Variants in ATXN7L1 observed in about 807,000 individuals in gnomAD.
ATXN7L1 encodes the protein ataxin 7 like 1, also known as ataxin-7-like protein 1.
Under a neutral mutation model 70.8 loss-of-function variants are expected in ATXN7L1, and 15 were observed. The observed-to-expected ratio is 0.21, with a 90% CI of 0.14 to 0.33. The LOEUF (loss-of-function observed/expected upper bound fraction) is 0.33. Ranked by LOEUF, ATXN7L1 falls within the 10% of genes least tolerant of loss-of-function variation. The pLI is 1.00. For synonymous variants in ATXN7L1, 440 were observed against 445.1 expected, an observed-to-expected ratio of 0.99 and a Z score of 0.14; for missense variants, 975 against 1,097.1, an observed-to-expected ratio of 0.89 and a Z score of 1.57.
intron 3 of ATXN7L1, 200 bp downstream of exon 3, chr7:105,788,404 C>G: frequency 1.8e-6 from 1 of 561,516 alleles, no homozygotes; most frequent in East Asian, 2.9e-5. Flanking sequence ...CTCATTTGTT[C>G]TGACAGGACT....
At chr7:105,714,780 A>G (rs1054996818) in intron 3 of ATXN7L1, among the ~76,000 whole-genome samples, 1 of 152,174 alleles carries the variant, frequency 6.6e-6, no homozygotes, top group Non-Finnish European at 1.5e-5. Flanking sequence ...CTCGTGCCTC[A>G]GCCTTCTGAG....
intron 2 of ATXN7L1, among the ~76,000 whole-genome samples, chr7:105,866,301 C>A (rs1230897625): frequency 6.6e-6 from 1 of 152,182 alleles, no homozygotes. Flanking sequence ...TTATGGTGAC[C>A]TGGTGCCACT....
At chr7:105,768,091 C>T (rs908592689) in intron 3 of ATXN7L1, among the ~76,000 whole-genome samples, 9 of 152,234 alleles carry the variant, frequency 5.9e-5, no homozygotes. Flanking sequence ...CCCCTCTCCT[C>T]AAACCTCTTG....
At chr7:105,688,263 C>A (rs907503124) in intron 3 of ATXN7L1, among the ~76,000 whole-genome samples, 1 of 152,116 alleles carries the variant, frequency 6.6e-6, no homozygotes, top group Non-Finnish European at 1.5e-5. Context: ...CAACTGGGGA[C>A]GGACACGGTG....
chr7:105,770,951 C>T (rs1801900672), intron 3 of ATXN7L1, among the ~76,000 whole-genome samples: 1 of 152,034 alleles, frequency 6.6e-6, no homozygotes, highest in African/African-American at 2.4e-5. Context: ...TCTGTAATCC[C>T]AGAACTTTGG....
At chr7:105,636,116 C>T (rs116230244) in intron 7 of ATXN7L1, among the ~76,000 whole-genome samples, 4,540 of 152,136 alleles carry the variant, frequency 0.03, 234 homozygotes, top group African/African-American at 0.1. Flanking sequence ...CTCTGTGGGC[C>T]GGGTATGGTG....
In ATXN7L1 at chr7:105,765,602, G is replaced by A. The variant is rs118061830; in HGVS notation, c.355+23002C>T. Among the ~76,000 whole-genome samples the A allele has an allele frequency of 9.7e-3, 1,481 of 152,162 alleles. 10 individuals are homozygous for A. Among genetic ancestry groups the A allele is most frequent in the Non-Finnish European group, 0.014 (976 of 68,008 alleles). On this transcript the variant is annotated intron_variant, in intron 3 of 11. Coordinates refer to ENST00000419735, the MANE Select transcript of ATXN7L1 (RefSeq NM_020725.2). ...TTGCTGCTCATTAAACTACTAATTGGGAAAACATAAAAGGAAATACTACTC... is the reference window on the plus strand; with the variant it reads ...TTGCTGCTCATTAAACTACTAATTGAGAAAACATAAAAGGAAATACTACTC...
chr7:105,653,151 T>G (rs993541265), intron 4 of ATXN7L1, among the ~76,000 whole-genome samples: 3 of 152,234 alleles, frequency 2.0e-5, no homozygotes, highest in Non-Finnish European at 4.4e-5. Flanking sequence ...TTTTTCTTTT[T>G]TAATCTCTAT....
At chr7:105,814,436 G>C (rs1411428397) in intron 2 of ATXN7L1, among the ~76,000 whole-genome samples, 1 of 151,970 alleles carries the variant, frequency 6.6e-6, no homozygotes, top group Non-Finnish European at 1.5e-5. Context: ...TTTCCAGCAG[G>C]GTTTTTTTTT....
At chr7:105,675,770 C>T (rs539588481) in intron 3 of ATXN7L1, among the ~76,000 whole-genome samples, 8 of 152,042 alleles carry the variant, frequency 5.3e-5, no homozygotes, top group African/African-American at 1.9e-4. Flanking sequence ...CAACAAAACA[C>T]TAACATATCC....
intron 2 of ATXN7L1, among the ~76,000 whole-genome samples, chr7:105,866,321 C>G (rs1047476703): frequency 6.6e-6 from 1 of 152,114 alleles, no homozygotes; most frequent in Non-Finnish European, 1.5e-5. Context: ...TTCGTCCTGC[C>G]CTGGAGAGTA....
rs186189495 is a variant in ATXN7L1 at position 105,647,203 on chromosome 7, T to C, written c.579-4082A>G. 2.8e-3 allele frequency among the ~76,000 whole-genome samples: 425 copies of C among 152,360 alleles called. 1 individual carries two copies. The highest frequency in any genetic ancestry group is 9.6e-3 in the African/African-American group (400 of 41,572). ...TAGAACTTGCAAGTTCCAGATCTAG[T>C]TCTTGTTGCATGAGCTGGTACGAGT... On this transcript the variant is annotated intron_variant, in intron 4 of 11. Coordinates refer to ENST00000419735, the MANE Select transcript of ATXN7L1 (RefSeq NM_020725.2).
chr7:105,678,938 G>T, intron 3 of ATXN7L1: 1 of 420,038 alleles, frequency 2.4e-6, no homozygotes, highest in South Asian at 1.0e-4. Context: ...CACTCATTTT[G>T]CTAAATGCCT....
At chr7:105,661,317 T>G (rs971371416) in intron 4 of ATXN7L1, among the ~76,000 whole-genome samples, 2 of 151,874 alleles carry the variant, frequency 1.3e-5, no homozygotes, top group Non-Finnish European at 2.9e-5. Flanking sequence ...GTACCAGGGG[T>G]AGAGATGGGG....
intron 7 of ATXN7L1, among the ~76,000 whole-genome samples, chr7:105,627,841 GTTTT>G (rs36028028): frequency 1.2e-5 from 1 of 86,446 alleles, no homozygotes; most frequent in Non-Finnish European, 2.0e-5. Context: ...CCTGTCTTTA[GTTTT>G]TTTTTTTTTT....
chr7:105,665,349 A>T (rs1802454957), intron 3 of ATXN7L1, 61 bp from the exon 4 acceptor site: 6 of 1,290,296 alleles, frequency 4.7e-6, no homozygotes, highest in Non-Finnish European at 6.6e-6. Flanking sequence ...GCTCCCACAC[A>T]CTCACATACA....
intron 3 of ATXN7L1, among the ~76,000 whole-genome samples, chr7:105,763,469 A>T (rs1278005365): frequency 6.6e-6 from 1 of 152,228 alleles, no homozygotes; most frequent in Non-Finnish European, 1.5e-5. Context: ...AGTCTTCCTC[A>T]GGCCATGAGG....
intron 3 of ATXN7L1, among the ~76,000 whole-genome samples, chr7:105,723,325 G>A (rs1795420475): frequency 6.6e-6 from 1 of 152,170 alleles, no homozygotes; most frequent in African/African-American, 2.4e-5. Context: ...GTATTGCTGT[G>A]ATGACTAAAT....
At chr7:105,661,961 C>A (rs1208716400) in intron 4 of ATXN7L1, among the ~76,000 whole-genome samples, 1 of 152,176 alleles carries the variant, frequency 6.6e-6, no homozygotes, top group Non-Finnish European at 1.5e-5. Context: ...CCTTACAAAT[C>A]TCTTGGTTGC....
Sources: allele counts gnomAD v4.1 joint callset (sites outside exome capture counted in the v4.1 genomes callset), GRCh38; gene constraint gnomAD v4.1.1; transcripts MANE v1.5; gene names NCBI Gene and HGNC (gene_info 2026-07-23, HGNC 2026-07-21).